The following ATAD5 variants were observed in gnomAD, a reference collection of about 807,000 sequenced individuals.
ATAD5 encodes ATPase family AAA domain containing 5, also known as ATPase family AAA domain-containing protein 5.
A neutral mutation model predicts 176.9 loss-of-function variants in ATAD5; 58 were observed. The ratio of observed to expected loss-of-function variants is 0.33; its 90% CI spans 0.27 to 0.41. The LOEUF (loss-of-function observed/expected upper bound fraction) is 0.41. Ranked by LOEUF, ATAD5 falls within the 10% of genes least tolerant of loss-of-function variation. ATAD5 has a pLI of 1.00. For missense variants in ATAD5, 1,789 were observed against 2,094.1 expected, an observed-to-expected ratio of 0.85 and a Z score of 2.84; for synonymous variants, 640 against 712.6, an observed-to-expected ratio of 0.90 and a Z score of 1.62.
intron 18 of ATAD5, among the ~76,000 whole-genome samples, chr17:30,886,441 C>T (rs1426666416): frequency 6.6e-6 from 1 of 150,864 alleles, no homozygotes; most frequent in Non-Finnish European, 1.5e-5. Flanking sequence ...GCTCCATCGC[C>T]GAGGCTGGAG....
At chr17:30,866,298 A>G (rs561782473) in intron 11 of ATAD5, among the ~76,000 whole-genome samples, 11 of 147,388 alleles carry the variant, frequency 7.5e-5, no homozygotes, top group African/African-American at 2.3e-4. Flanking sequence ...CCCAGGTTCA[A>G]CAGATTCTCC....
Position 30,857,118 on chromosome 17 carries a change from T to G in ATAD5, c.2793+6T>G. On this transcript the variant is annotated splice_donor_region_variant and intron_variant, in intron 8 of 22. Transcript: ENST00000321990. The stretch of plus-strand genomic sequence containing the variant: ...GCGGTAACTCTGCTGCTGTGGTAAG[T>G]ATTAAATAGTTCATCCATTGTAGAG... 1 of 1,604,372 alleles carries G rather than the reference T, an allele frequency of 6.2e-7. No individual in the cohort carries two copies. The highest frequency in any genetic ancestry group is 8.5e-7 in the Non-Finnish European group (1 of 1,177,800).
chr17:30,871,105 CTT>C (rs1567693296), intron 14 of ATAD5, among the ~76,000 whole-genome samples: 1 of 146,728 alleles, frequency 6.8e-6, no homozygotes, highest in East Asian at 2.0e-4. Flanking sequence ...TCTTTTTCCT[CTT>C]TTTGTTTCAG....
intron 10 of ATAD5, among the ~76,000 whole-genome samples, chr17:30,865,204 G>A (rs1272013076): frequency 3.5e-5 from 5 of 142,542 alleles, no homozygotes; most frequent in South Asian, 2.2e-4. Flanking sequence ...ACGGAGTCTC[G>A]CTCTGTCGCC....
At chr17:30,877,759 A>G (rs545511738) in intron 16 of ATAD5, among the ~76,000 whole-genome samples, 1 of 152,302 alleles carries the variant, frequency 6.6e-6, no homozygotes, top group Admixed American at 6.5e-5. Flanking sequence ...ATTATTGTTA[A>G]ATGATTGTAT....
At chr17:30,852,796 TACTGTGAGG>T (rs1335353954) in intron 6 of ATAD5, among the ~76,000 whole-genome samples, 1 of 152,058 alleles carries the variant, frequency 6.6e-6, no homozygotes, top group Non-Finnish European at 1.5e-5. Context: ...AGTTACTCAT[TACTGTGAGG>T]ACAGCACCAA....
Position 30,835,113 on chromosome 17 carries a change from G to C in ATAD5, c.1032G>C (p.Leu344Phe), listed in dbSNP as rs111343309. ...KKTGKIPRIF[L>F]KQKQFEMENS... is the part of the protein sequence containing the mutation. ...CAGGGAAAATACCCCGAATTTTCTT[G>C]AAACAAAAGCAATTTGAAATGGAAA... Residue 344 changes from leucine to phenylalanine, a missense_variant, in exon 2 of 23, where the codon TTG (leucine) becomes TTC (phenylalanine). Leu to Phe is a conservative substitution (Grantham distance 22). Transcript: ENST00000321990. 9.9e-6 allele frequency: 16 copies of C among 1,614,074 alleles called. No homozygotes were observed. The highest frequency in any genetic ancestry group is 1.6e-4 in the Middle Eastern group (1 of 6,062).
intron 14 of ATAD5, among the ~76,000 whole-genome samples, chr17:30,871,594 C>T (rs192120586): frequency 6.6e-6 from 1 of 152,174 alleles, no homozygotes; most frequent in East Asian, 1.9e-4. Flanking sequence ...AGGTGATCCA[C>T]CCCCCATGGC....
chr17:30,860,322 A>C, intron 9 of ATAD5, 111 bp from the exon 10 acceptor site: 2 of 1,259,110 alleles, frequency 1.6e-6, no homozygotes, highest in Non-Finnish European at 2.2e-6. Context: ...CTGCACCTGG[A>C]TTGCCTTTGC....
chr17:30,885,239 G>A (rs1909248154), intron 18 of ATAD5, among the ~76,000 whole-genome samples: 1 of 151,980 alleles, frequency 6.6e-6, no homozygotes, highest in Non-Finnish European at 1.5e-5. Flanking sequence ...GGAGGGCAGT[G>A]GTGTGATCAT....
rs149829392 is a variant in ATAD5 at position 30,835,331 on chromosome 17, A to G, written c.1250A>G (p.Asn417Ser). The change falls in exon 2 of 23, where the codon AAT (asparagine) becomes AGT (serine). Residue 417 changes from asparagine (N) to serine (S), a missense_variant. This residue lies in a region of ATAD5 where 696 missense variants were observed against 712.5 expected (regional missense o/e 0.98). Transcript: ENST00000321990. ...FRQPASDALK[N>S]GVKKSSDKQK... ...CAGCCAGCATCAGATGCACTTAAAAATGGAGTTAAAAAGTCTTCTGATAAG... is the reference window on the plus strand; with the variant it reads ...CAGCCAGCATCAGATGCACTTAAAAGTGGAGTTAAAAAGTCTTCTGATAAG... The G allele has an allele frequency of 4.3e-6, 7 of 1,613,896 alleles. No individual in the cohort carries two copies. The South Asian group carries it at 6.6e-5, about 15-fold the overall frequency.
chr17:30,888,142 A>AT (rs914806582), intron 19 of ATAD5, among the ~76,000 whole-genome samples: 36 of 151,980 alleles, frequency 2.4e-4, no homozygotes, highest in African/African-American at 7.0e-4. Flanking sequence ...CCAAAAAAAA[A>AT]TTTTTTTTAA....
chr17:30,891,510 T>A (rs1909635971), intron 19 of ATAD5, among the ~76,000 whole-genome samples: 1 of 143,440 alleles, frequency 7.0e-6, no homozygotes, highest in Admixed American at 7.1e-5. Context: ...TAGCTGGGAT[T>A]ACAGGCACGC....
chr17:30,842,293 A>G (rs780226828), intron 4 of ATAD5, among the ~76,000 whole-genome samples: 13 of 151,942 alleles, frequency 8.6e-5, no homozygotes, highest in Non-Finnish European at 1.5e-4. Context: ...AAATAAATAA[A>G]TAAATAATAA....
At chr17:30,854,366 T>TA (rs1177237005) in intron 6 of ATAD5, among the ~76,000 whole-genome samples, 9 of 115,298 alleles carry the variant, frequency 7.8e-5, no homozygotes, top group African/African-American at 1.3e-4. Context: ...TAAATTAATT[T>TA]AAATTTTTTT....
intron 14 of ATAD5, among the ~76,000 whole-genome samples, chr17:30,874,278 C>G (rs1908520237): frequency 6.6e-6 from 1 of 151,866 alleles, no homozygotes; most frequent in Non-Finnish European, 1.5e-5. Context: ...CACGGTGGCT[C>G]ATGCCTGTAA....
intron 5 of ATAD5, among the ~76,000 whole-genome samples, chr17:30,844,279 C>T (rs1013743413): frequency 1.3e-5 from 2 of 151,822 alleles, no homozygotes; most frequent in Non-Finnish European, 2.9e-5. Context: ...CTACAGGCAC[C>T]CACCACCATG....
chr17:30,832,176 TG>T lies in ATAD5; in HGVS notation c.-169del. The T allele has an allele frequency of 2.3e-6, 1 of 429,414 alleles. No homozygotes were observed. 26.6% of individuals were successfully genotyped at this position (429,414 alleles called of 1,614,324 possible). A position where few individuals can be genotyped will look rare whatever the true frequency, so the allele number is the denominator to read the frequency against. On this transcript the variant is annotated 5_prime_UTR_variant, in exon 1 of 23. Coordinates refer to ENST00000321990, the MANE Select transcript of ATAD5 (RefSeq NM_024857.5). ...CTTTCCGTGTTCGATTCGGCTGATC[TG>T]GGCCCAGCCTCCGCTCCCGCTCTCT...
At chr17:30,841,825 C>T (rs989543302) in intron 4 of ATAD5, among the ~76,000 whole-genome samples, 2 of 152,080 alleles carry the variant, frequency 1.3e-5, no homozygotes, top group African/African-American at 4.8e-5. Flanking sequence ...CTTTCTGTTG[C>T]CAAATATCCC....
Sources: gnomAD v4.1 joint callset for allele counts (sites outside exome capture counted in the v4.1 genomes callset) on GRCh38, gnomAD v4.1.1 for gene constraint, gnomAD v4.1.1 regional missense constraint, MANE v1.5 for transcripts, NCBI Gene and HGNC (gene_info 2026-07-23, HGNC 2026-07-21) for gene names.